The following ITSN2 variants were observed in gnomAD, a reference collection of about 807,000 sequenced individuals.
The protein encoded by ITSN2 is intersectin-2.
In ITSN2, 156 loss-of-function variants were observed where a neutral mutation model predicts 243.7. The ratio of observed to expected loss-of-function variants is 0.64; its 90% CI spans 0.56 to 0.73. ITSN2 has a LOEUF of 0.73. Among genes scored for constraint, ITSN2 ranks in the 30% least tolerant of loss-of-function variants. The pLI is 0.00. For missense variants in ITSN2, 1,801 were observed against 1,996.1 expected (o/e 0.90, Z 1.86); for synonymous variants, 703 against 699.9 (o/e 1.00, Z -0.07).
intron 29 of ITSN2, among the ~76,000 whole-genome samples, chr2:24,237,980 C>T (rs745693775): frequency 3.3e-4 from 50 of 152,054 alleles, no homozygotes; most frequent in Admixed American, 1.3e-4. Flanking sequence ...TCCATTCTGA[C>T]GATACTGAAA....
chr2:24,246,299 T>A lies in ITSN2; in HGVS notation c.3407A>T (p.Tyr1136Phe). 2 of 1,607,418 alleles carry A rather than the reference T, an allele frequency of 1.2e-6. No individual in the cohort carries two copies. Among genetic ancestry groups the A allele is most frequent in the Non-Finnish European group, 1.7e-6 (2 of 1,175,518 alleles). The change falls in exon 29 of 40, where the codon TAT (tyrosine) becomes TTT (phenylalanine). Residue 1136 changes from tyrosine (Y) to phenylalanine (F), a missense_variant. By Grantham distance (22) the Tyr-to-Phe change is conservative. Transcript: ENST00000355123. Reference sequence around the variant, plus strand: ...ATCTTCATTATTTGCTGCATAGTCATACATAGCAATCACCTGACATACTAT... The same window carrying A: ...ATCTTCATTATTTGCTGCATAGTCAAACATAGCAATCACCTGACATACTAT... The part of the protein sequence containing the change: ...FHPVCQVIAM[Y>F]DYAANNEDEL...
At chr2:24,257,671 G>A (rs1463439433) in intron 23 of ITSN2, among the ~76,000 whole-genome samples, 1 of 151,864 alleles carries the variant, frequency 6.6e-6, no homozygotes, top group African/African-American at 2.4e-5. Flanking sequence ...CACCCAGGCT[G>A]GTCTCAAACC....
Position 24,204,349 on chromosome 2 carries a change from G to C in ITSN2, c.4832C>G (p.Thr1611Arg), listed in dbSNP as rs1431573441. The C allele has an allele frequency of 6.2e-7, 1 of 1,614,160 alleles. No homozygotes were observed. The highest frequency in any genetic ancestry group is 2.2e-5 in the East Asian group (1 of 44,886). Residue 1611 changes from threonine to arginine, a missense_variant, in exon 39 of 40, where the codon ACA becomes AGA. By Grantham distance (71) the Thr-to-Arg change is moderately conservative (BLOSUM62 -1). This residue lies in a region of ITSN2 where 928 missense variants were observed against 1,065.4 expected (regional missense o/e 0.87). Coordinates refer to ENST00000355123, the MANE Select transcript of ITSN2 (RefSeq NM_006277.3). The surrounding 1 kb of genome is among the most constrained non-coding windows in gnomAD (Gnocchi z 5.1). ...QSYTTRTIQD[T>R]LNPKWNFNCQ... is the part of the protein sequence containing the mutation. ...GTTAAAATTCCACTTGGGATTGAGT[G>C]TGTCCTGGATGGTCCTGGTGGTGTA...
At chr2:24,334,702 G>C (rs575791876) in intron 1 of ITSN2, 1 of 1,585,138 alleles carries the variant, frequency 6.3e-7, no homozygotes, top group African/African-American at 1.3e-5. Context: ...AAACTACAAA[G>C]AAGATTGTGC....
intron 29 of ITSN2, among the ~76,000 whole-genome samples, chr2:24,228,742 A>T (rs2151190340): frequency 6.6e-6 from 1 of 152,362 alleles, no homozygotes; most frequent in South Asian, 2.1e-4. Flanking sequence ...GTGTCAGCAG[A>T]ACAAAAAGGG....
At chr2:24,210,227 A>G (rs541218208) in intron 34 of ITSN2, 194 bp from the exon 35 acceptor site, 2 of 574,706 alleles carry the variant, frequency 3.5e-6, no homozygotes, top group Admixed American at 3.0e-5. Flanking sequence ...AGTGAAAATC[A>G]TTACTTCTAG....
At chr2:24,209,740 G>A in intron 35 of ITSN2, 78 bp downstream of exon 35, 1 of 1,147,986 alleles carries the variant, frequency 8.7e-7, no homozygotes, top group Non-Finnish European at 1.3e-6. Context: ...GCCAGCTCAG[G>A]GTCTGCCAGG....
chr2:24,351,201 T>G (rs924759115), intron 1 of ITSN2, among the ~76,000 whole-genome samples: 1 of 152,154 alleles, frequency 6.6e-6, no homozygotes, highest in Admixed American at 6.6e-5. Context: ...AATAGCTTCC[T>G]TTGCCACAGT....
intron 23 of ITSN2, among the ~76,000 whole-genome samples, chr2:24,254,735 T>C (rs1394479062): frequency 6.6e-6 from 1 of 152,158 alleles, no homozygotes; most frequent in African/African-American, 2.4e-5. Flanking sequence ...CACAAATTGT[T>C]AAGTGGTAAG....
intron 1 of ITSN2, among the ~76,000 whole-genome samples, chr2:24,353,017 CT>C (rs1363778529): frequency 6.6e-6 from 1 of 152,196 alleles, no homozygotes; most frequent in Non-Finnish European, 1.5e-5. Flanking sequence ...AACATCACCT[CT>C]TTGAAACAAA....
chr2:24,325,898 T>C (rs531455723), intron 2 of ITSN2, among the ~76,000 whole-genome samples: 1 of 152,050 alleles, frequency 6.6e-6, no homozygotes, highest in South Asian at 2.1e-4. Context: ...AGTAGTCTCA[T>C]CTCGGTTTTT....
At chr2:24,306,306 G>GCACATA (rs1682532344) in intron 8 of ITSN2, among the ~76,000 whole-genome samples, 1 of 152,090 alleles carries the variant, frequency 6.6e-6, no homozygotes, top group African/African-American at 2.4e-5. Flanking sequence ...ACACAGGTAT[G>GCACATA]CACATACACA....
At chr2:24,341,140 A>G (rs1025273795) in intron 1 of ITSN2, among the ~76,000 whole-genome samples, 10 of 152,218 alleles carry the variant, frequency 6.6e-5, no homozygotes, top group African/African-American at 2.4e-4. Flanking sequence ...TAGAGCAGTA[A>G]TATTAACCAA....
Position 24,208,165 on chromosome 2 carries a change from G to T in ITSN2, c.4678+72C>A. ...AGACCCGTCCCTATATCATCAGCCT[G>T]ACTGCAGGAGCAGTGGCCGGCATTC... On this transcript the variant is annotated intron_variant, in intron 37 of 39. Transcript: ENST00000355123. 2.4e-6 allele frequency: 3 copies of T among 1,258,200 alleles called. No homozygotes were observed. In the South Asian group the frequency reaches 3.6e-5, roughly 15 times the overall value. The allele number at this position is 1,258,200 out of a possible 1,614,324, so 77.9% of individuals were successfully genotyped here.
chr2:24,208,635 C>T (rs1669161826), intron 36 of ITSN2, among the ~76,000 whole-genome samples: 2 of 152,178 alleles, frequency 1.3e-5, no homozygotes, highest in African/African-American at 4.8e-5. Context: ...AGCAGCACCC[C>T]CCGGGTTGGC....
At position 24,218,128 on chromosome 2, in the gene ITSN2, A is replaced by T. The variant is rs2551183; in HGVS notation, c.3700-115T>A. The T allele has an allele frequency of 0.98, 637,909 of 652,772 alleles. 311,733 individuals carry two copies. Among genetic ancestry groups the T allele is most frequent in the East Asian group, 0.98 (37,117 of 37,730 alleles). 40.4% of individuals were successfully genotyped at this position (652,772 alleles called of 1,614,324 possible). On this transcript the variant is annotated intron_variant, in intron 30 of 39. Coordinates refer to ENST00000355123, the MANE Select transcript of ITSN2 (RefSeq NM_006277.3). ...AAACTAATCAGATCAAATAATGTCAACATAAACTGAAGCTAATCATCCAAA... is the reference window on the plus strand; with the variant it reads ...AAACTAATCAGATCAAATAATGTCATCATAAACTGAAGCTAATCATCCAAA...
chr2:24,292,864 T>C (rs1177013438), intron 15 of ITSN2, among the ~76,000 whole-genome samples: 1 of 152,218 alleles, frequency 6.6e-6, no homozygotes, highest in Non-Finnish European at 1.5e-5. Context: ...TCTTAATTTG[T>C]TCAGAACTTG....
intron 20 of ITSN2, among the ~76,000 whole-genome samples, chr2:24,265,353 T>C (rs1231416339): frequency 1.3e-5 from 2 of 152,240 alleles, no homozygotes; most frequent in East Asian, 3.8e-4. Flanking sequence ...TTCATATTTT[T>C]ATGCAATTGT....
chr2:24,312,158 C>G, intron 5 of ITSN2, 54 bp downstream of exon 5: 1 of 1,387,268 alleles, frequency 7.2e-7, no homozygotes, highest in Non-Finnish European at 9.8e-7. Context: ...TCAAATATGC[C>G]TAGGGATAAA....
Sources: gnomAD v4.1 joint callset for allele counts (sites outside exome capture counted in the v4.1 genomes callset) on GRCh38, gnomAD v4.1.1 for gene constraint, gnomAD v4.1.1 regional missense constraint, Gnocchi (gnomAD v3.1) non-coding constraint, MANE v1.5 for transcripts, NCBI Gene and HGNC (gene_info 2026-07-23, HGNC 2026-07-21) for gene names.